Variants in TENM3 observed in about 807,000 individuals in gnomAD.
The protein encoded by TENM3 is teneurin transmembrane protein 3, also known as teneurin-3.
In TENM3, 63 loss-of-function variants were observed where a neutral mutation model predicts 255.1. That is an observed-to-expected ratio of 0.25 (90% confidence interval 0.20 to 0.30). TENM3 has a LOEUF of 0.30. Among genes scored for constraint, TENM3 ranks in the 10% least tolerant of loss-of-function variants. The probability of loss-of-function intolerance (pLI) is 1.00; values close to 1 mark genes in which losing one functional copy is unlikely to be tolerated. For missense variants in TENM3, 2,929 were observed against 3,461.1 expected, an observed-to-expected ratio of 0.85 and a Z score of 3.86; for synonymous variants, 1,306 against 1,322.3, an observed-to-expected ratio of 0.99 and a Z score of 0.27.
the TENM3 span, among the ~76,000 whole-genome samples, chr4:181,783,596 A>G: frequency 0.058 from 8,811 of 152,286 alleles, 480 homozygotes; most frequent in African/African-American, 0.15. Flanking sequence ...AAATTTTATC[A>G]GAATTGCATT....
rs138735584 is a variant in TENM3 at position 182,541,888 on chromosome 4, G to A, written c.512-59036G>A. Among the ~76,000 whole-genome samples, 781 of 151,596 alleles carry A rather than the reference G, an allele frequency of 5.2e-3. 5 individuals are homozygous for A. The highest frequency in any genetic ancestry group is 0.018 in the African/African-American group (746 of 41,278). On this transcript the variant is annotated intron_variant, in intron 3 of 27. Coordinates refer to ENST00000511685, the MANE Select transcript of TENM3 (RefSeq NM_001080477.4). ...AGCCTGAGTAACATAGCAAGACCCC[G>A]TCTCTACAAAACTTAAAAAAAAAAA...
intron 16 of TENM3, among the ~76,000 whole-genome samples, chr4:182,735,617 A>G (rs1159126186): frequency 1.3e-5 from 2 of 152,234 alleles, no homozygotes; most frequent in Admixed American, 1.3e-4. Flanking sequence ...ATAGGGCAAT[A>G]TAAGGAAGCC....
chr4:181,701,511 G>C, the TENM3 span, among the ~76,000 whole-genome samples: 14 of 152,228 alleles, frequency 9.2e-5, no homozygotes, highest in African/African-American at 3.1e-4. Context: ...ACTTTTACCT[G>C]TATGGCAAGC....
At chr4:182,619,712 C>A (rs1749918157) in intron 4 of TENM3, among the ~76,000 whole-genome samples, 1 of 152,178 alleles carries the variant, frequency 6.6e-6, no homozygotes. Flanking sequence ...GTTCGGTGAC[C>A]TTCTGCACCA....
At chr4:182,308,886 A>G (rs916037264) in intron 1 of TENM3, among the ~76,000 whole-genome samples, 1 of 151,450 alleles carries the variant, frequency 6.6e-6, no homozygotes, top group South Asian at 2.1e-4. Flanking sequence ...TTGCATTACA[A>G]TGTGTTTAAA....
At chr4:181,745,187 A>G in the TENM3 span, among the ~76,000 whole-genome samples, 1 of 152,114 alleles carries the variant, frequency 6.6e-6, no homozygotes, top group Non-Finnish European at 1.5e-5. Flanking sequence ...GGTTTCCTGG[A>G]CACCAAGTGG....
At chr4:182,070,081 C>G in the TENM3 span, among the ~76,000 whole-genome samples, 1 of 152,154 alleles carries the variant, frequency 6.6e-6, no homozygotes, top group Non-Finnish European at 1.5e-5. Flanking sequence ...AGAGGCATGA[C>G]AAGCCCCAGT....
At chr4:182,352,972 G>C (rs1765279234) in intron 3 of TENM3, among the ~76,000 whole-genome samples, 1 of 152,148 alleles carries the variant, frequency 6.6e-6, no homozygotes, top group South Asian at 2.1e-4. Context: ...GAAATAGACG[G>C]ACTTGTAGCT....
the TENM3 span, among the ~76,000 whole-genome samples, chr4:181,856,834 G>T: frequency 6.6e-6 from 1 of 152,348 alleles, no homozygotes; most frequent in South Asian, 2.1e-4. Context: ...GTGAAGTGAA[G>T]TCTGGGCCAC....
intron 4 of TENM3, among the ~76,000 whole-genome samples, chr4:182,609,806 C>T (rs552055259): frequency 6.8e-6 from 1 of 146,582 alleles, no homozygotes; most frequent in East Asian, 1.9e-4. Flanking sequence ...TGTAATACTT[C>T]ACAACGACTT....
In TENM3 at chr4:182,601,017, C is replaced by G; in HGVS notation, c.605C>G (p.Ser202Cys). 1 of 1,606,362 alleles carries G rather than the reference C, an allele frequency of 6.2e-7. No individual in the cohort carries two copies. The highest frequency in any genetic ancestry group is 8.5e-7 in the Non-Finnish European group (1 of 1,176,530). Residue 202 changes from serine (S) to cysteine (C), a missense_variant, in exon 4 of 28, where the codon TCT (serine) becomes TGT (cysteine). By Grantham distance (112) the Ser-to-Cys change is moderately radical (BLOSUM62 -1). Around this residue, in one of 6 missense-constraint regions of TENM3, gnomAD observed 283 missense variants for 256.9 expected, o/e 1.10. Coordinates refer to ENST00000511685, the MANE Select transcript of TENM3 (RefSeq NM_001080477.4). ...GCACAGCATCATCCATCCATCACTT[C>G]TCTCAACAGAAACTCCCTGACCAAT... ...HSAQHHPSIT[S>C]LNRNSLTNRR...
intron 3 of TENM3, among the ~76,000 whole-genome samples, chr4:182,420,012 TATA>T (rs749568575): frequency 4.6e-4 from 69 of 151,570 alleles, no homozygotes; most frequent in African/African-American, 1.5e-3. Flanking sequence ...GAACTTAAAG[TATA>T]ATAATAATAA....
chr4:182,741,424 C>T (rs1389871337), intron 18 of TENM3, among the ~76,000 whole-genome samples: 2 of 152,146 alleles, frequency 1.3e-5, no homozygotes, highest in Admixed American at 6.5e-5. Context: ...TTCGTGCGGG[C>T]GCCCTGAAAC....
Position 182,232,219 on chromosome 4 carries a change from G to A in TENM3, c.-76+87465G>A, listed in dbSNP as rs140684511. On this transcript the variant is annotated intron_variant, in intron 1 of 2. Transcript: ENST00000512480. ...GGCTCGGATTTCACTTTTATTCAGG[G>A]CCGTAACTCTCACTTCTCACTTGGC... Among the ~76,000 whole-genome samples, 348 of 152,240 alleles carry A rather than the reference G, an allele frequency of 2.3e-3. 1 individual carries two copies. The highest frequency in any genetic ancestry group is 7.7e-3 in the African/African-American group (318 of 41,516).
intron 1 of TENM3, among the ~76,000 whole-genome samples, chr4:182,203,223 A>T (rs1754317451): frequency 6.6e-6 from 1 of 152,044 alleles, no homozygotes; most frequent in African/African-American, 2.4e-5. Flanking sequence ...ATCTCAAAAA[A>T]AAAAAAGAAA....
At chr4:182,765,351 T>C (rs1188143804) in intron 22 of TENM3, among the ~76,000 whole-genome samples, 1 of 152,244 alleles carries the variant, frequency 6.6e-6, no homozygotes, top group Non-Finnish European at 1.5e-5. Context: ...GTGTTAATAC[T>C]GAAGGATCCA....
At chr4:182,272,565 G>A (rs187246822) in intron 1 of TENM3, among the ~76,000 whole-genome samples, 1 of 152,222 alleles carries the variant, frequency 6.6e-6, no homozygotes, top group East Asian at 1.9e-4. Flanking sequence ...TTAGGCCACT[G>A]GTTTCCCGCA....
At chr4:181,784,149 A>G in the TENM3 span, among the ~76,000 whole-genome samples, 1 of 141,362 alleles carries the variant, frequency 7.1e-6, no homozygotes, top group East Asian at 2.0e-4. Context: ...CTAAATGGAA[A>G]CGAGTCATCT....
the TENM3 span, among the ~76,000 whole-genome samples, chr4:181,884,227 T>C: frequency 6.6e-6 from 1 of 152,184 alleles, no homozygotes; most frequent in Non-Finnish European, 1.5e-5. Flanking sequence ...CTAGGAATAA[T>C]GCATGCTAAA....
Sources: allele counts gnomAD v4.1 joint callset (sites outside exome capture counted in the v4.1 genomes callset), GRCh38; gene constraint gnomAD v4.1.1; regional missense constraint gnomAD v4.1.1; transcripts MANE v1.5; gene names NCBI Gene and HGNC (gene_info 2026-07-23, HGNC 2026-07-21).